The following DMD variants were observed in gnomAD, a reference collection of about 807,000 sequenced individuals.
DMD encodes dystrophin.
In DMD, 63 loss-of-function variants were observed where a neutral mutation model predicts 330.1. That is an observed-to-expected ratio of 0.19 (90% CI 0.16 to 0.24). The LOEUF (loss-of-function observed/expected upper bound fraction) is 0.24. DMD is among the 10% of genes least tolerant of loss of function. The pLI, the probability that DMD is intolerant of heterozygous loss-of-function variation, is 1.00. For missense variants in DMD, 3,344 were observed against 2,684.1 expected, an observed-to-expected ratio of 1.25 and a Z score of -5.43; for synonymous variants, 1,223 against 959.8, an observed-to-expected ratio of 1.27 and a Z score of -5.07.
At chrX:31,249,287 G>C (rs1204110520) in intron 63 of DMD, among the ~76,000 whole-genome samples, 1 of 111,456 alleles carries the variant, frequency 9.0e-6, no homozygotes, top group Non-Finnish European at 1.9e-5. Context: ...TGTTGCCCAG[G>C]CTGAAGTGCA....
chrX:31,822,843 AG>A (rs1207289912), intron 49 of DMD, among the ~76,000 whole-genome samples: 3 of 110,473 alleles, frequency 2.7e-5, no homozygotes, highest in African/African-American at 1.0e-4. Flanking sequence ...TTTAATTCAT[AG>A]TACCCCCTGA....
At position 31,971,990 on chromosome X, in the gene DMD, A is replaced by G. The variant is rs184057580; in HGVS notation, c.6439-3476T>C. ...GTTTTGATTCCAATATTAAGCATTC[A>G]TTCTTAATAAGAAGTGCATATCTAA... On this transcript the variant is annotated intron_variant, in intron 44 of 78. Coordinates refer to ENST00000357033, the MANE Select transcript of DMD (RefSeq NM_004006.3). 4.7e-3 allele frequency among the ~76,000 whole-genome samples: 527 copies of G among 111,840 alleles called. 2 individuals carry two copies. The highest frequency in any genetic ancestry group is 8.2e-3 in the Non-Finnish European group (433 of 53,001).
At chrX:32,625,125 C>A (rs1018808795) in intron 11 of DMD, among the ~76,000 whole-genome samples, 2 of 111,297 alleles carry the variant, frequency 1.8e-5, no homozygotes, top group Non-Finnish European at 3.8e-5. Flanking sequence ...GAGCTGAGTT[C>A]GCACCATTAG....
chrX:32,642,410 C>G (rs764215539), intron 11 of DMD, among the ~76,000 whole-genome samples: 1 of 111,833 alleles, frequency 8.9e-6, no homozygotes, highest in Non-Finnish European at 1.9e-5. Flanking sequence ...GCTCTTGAAT[C>G]TTCCCTAAGG....
chrX:32,564,326 C>T (rs2051424385), intron 16 of DMD, among the ~76,000 whole-genome samples: 1 of 111,727 alleles, frequency 9.0e-6, no homozygotes, highest in Non-Finnish European at 1.9e-5. Context: ...CAAATAATGG[C>T]AATCTTTCTT....
At chrX:32,868,966 G>A (rs1171309179) in intron 2 of DMD, among the ~76,000 whole-genome samples, 1 of 111,579 alleles carries the variant, frequency 9.0e-6, no homozygotes, top group Non-Finnish European at 1.9e-5. Context: ...ACCCCCAACA[G>A]CAGTCGCTAG....
chrX:32,752,111 A>C (rs1478723906), intron 7 of DMD, among the ~76,000 whole-genome samples: 2 of 112,049 alleles, frequency 1.8e-5, no homozygotes, highest in Non-Finnish European at 3.8e-5. Flanking sequence ...CAGAGACCCT[A>C]CTAGAGCACT....
chrX:32,395,385 T>C (rs188459906), intron 30 of DMD, among the ~76,000 whole-genome samples: 1 of 102,125 alleles, frequency 9.8e-6, no homozygotes, highest in East Asian at 3.2e-4. Flanking sequence ...ATATGCAATG[T>C]AATAGAAAAA....
In DMD at chrX:33,263,728, T is replaced by C. The variant is rs552329293; in HGVS notation, c.7+75531A>G. Among the ~76,000 whole-genome samples the C allele has an allele frequency of 1.9e-4, 21 of 109,626 alleles. No individual in the cohort carries two copies. In the South Asian group the frequency reaches 8.0e-3, roughly 42 times the overall value. ...TCATCAGTCTCTCTAAAAATAATAG[T>C]AATAAAAATAGTAATACAATCATAC... On this transcript the variant is annotated intron_variant, in intron 1 of 17. Coordinates refer to the DMD transcript ENST00000288447.
At chrX:32,169,405 A>G (rs185073110) in intron 44 of DMD, among the ~76,000 whole-genome samples, 38 of 111,966 alleles carry the variant, frequency 3.4e-4, no homozygotes, top group African/African-American at 1.1e-3. Context: ...GTCCAGAAGC[A>G]CAAAGCATTC....
At chrX:31,338,155 T>C (rs1168487043) in intron 61 of DMD, among the ~76,000 whole-genome samples, 1 of 108,995 alleles carries the variant, frequency 9.2e-6, no homozygotes, top group Admixed American at 9.8e-5. Context: ...CAATGACTAA[T>C]TCACACGGGA....
chrX:32,486,729 T>G (rs1445748208), intron 20 of DMD, among the ~76,000 whole-genome samples: 1 of 105,945 alleles, frequency 9.4e-6, no homozygotes, highest in Non-Finnish European at 1.9e-5. Flanking sequence ...TTGACAAACC[T>G]GACAAAAACA....
intron 44 of DMD, among the ~76,000 whole-genome samples, chrX:31,992,976 G>C (rs1168434466): frequency 9.0e-6 from 1 of 111,517 alleles, no homozygotes; most frequent in Non-Finnish European, 1.9e-5. Flanking sequence ...CAAATGTAAA[G>C]AACAGATTTG....
At chrX:31,665,424 T>C (rs2081370830) in intron 53 of DMD, among the ~76,000 whole-genome samples, 1 of 111,747 alleles carries the variant, frequency 8.9e-6, no homozygotes, top group Admixed American at 9.5e-5. Context: ...CTTGTGTGAA[T>C]TAAAACGACC....
At chrX:32,759,201 TTG>T (rs1221582442) in intron 7 of DMD, among the ~76,000 whole-genome samples, 1 of 111,919 alleles carries the variant, frequency 8.9e-6, no homozygotes, top group Non-Finnish European at 1.9e-5. Context: ...TTGAACTATT[TTG>T]GTCAGTCCTG....
intron 45 of DMD, among the ~76,000 whole-genome samples, chrX:31,941,157 G>A: frequency 9.0e-6 from 1 of 111,715 alleles, no homozygotes; most frequent in Non-Finnish European, 1.9e-5. Context: ...AGGATGCTTT[G>A]GATCTTCATC....
At chrX:32,197,667 T>C (rs1280399119) in intron 44 of DMD, among the ~76,000 whole-genome samples, 1 of 112,048 alleles carries the variant, frequency 8.9e-6, no homozygotes, top group Non-Finnish European at 1.9e-5. Flanking sequence ...AAAGTGGATG[T>C]TCTTCACATT....
chrX:32,526,412 G>C (rs925292710), intron 17 of DMD, among the ~76,000 whole-genome samples: 1 of 110,761 alleles, frequency 9.0e-6, no homozygotes, highest in Non-Finnish European at 1.9e-5. Context: ...TACAGGGCAA[G>C]TAAGTCTTTG....
chrX:31,221,246 A>G (rs1231236255), intron 64 of DMD, among the ~76,000 whole-genome samples: 1 of 111,163 alleles, frequency 9.0e-6, no homozygotes, highest in Non-Finnish European at 1.9e-5. Context: ...TGTCACCCCC[A>G]GGCCAAATCC....
Sources: gnomAD v4.1 joint callset for allele counts (sites outside exome capture counted in the v4.1 genomes callset) on GRCh38, gnomAD v4.1.1 for gene constraint, MANE v1.5 for transcripts, NCBI Gene and HGNC (gene_info 2026-07-23, HGNC 2026-07-21) for gene names.